SHCBP1L: variants seen among roughly 807,000 people sequenced by gnomAD.
SHCBP1L encodes the protein SHC binding and spindle associated 1 like, also known as testicular spindle-associated protein SHCBP1L.
A neutral mutation model predicts 62.5 loss-of-function variants in SHCBP1L; 67 were observed. The ratio of observed to expected loss-of-function variants is 1.07; its 90% CI spans 0.88 to 1.31. The LOEUF is 1.31. Ranked by LOEUF, SHCBP1L falls within the 40% of genes most tolerant of loss-of-function variation. SHCBP1L has a pLI of 0.00. For missense variants in SHCBP1L, 823 were observed against 809.8 expected, an observed-to-expected ratio of 1.02 and a Z score of -0.20; for synonymous variants, 284 against 289.4, an observed-to-expected ratio of 0.98 and a Z score of 0.19.
chr1:182,939,444 A>ATAAGTT, intron 4 of SHCBP1L, 23 bp downstream of exon 4: 2 of 1,603,492 alleles, frequency 1.2e-6, no homozygotes, highest in African/African-American at 2.7e-5. Flanking sequence ...AATGTGCGGT[A>ATAAGTT]TAAGTTTATA....
intron 6 of SHCBP1L, among the ~76,000 whole-genome samples, chr1:182,925,344 A>G (rs1297840523): frequency 2.0e-5 from 3 of 152,206 alleles, no homozygotes. Flanking sequence ...ACAAGAAGAC[A>G]AACAACCCAA....
At chr1:182,936,898 A>T (rs1456427740) in intron 5 of SHCBP1L, among the ~76,000 whole-genome samples, 1 of 151,806 alleles carries the variant, frequency 6.6e-6, no homozygotes, top group African/African-American at 2.4e-5. Context: ...AAATAAAAAT[A>T]AAAAAATTAG....
intron 5 of SHCBP1L, 79 bp from the exon 6 acceptor site, chr1:182,929,831 G>A: frequency 1.1e-6 from 1 of 915,528 alleles, no homozygotes; most frequent in Non-Finnish European, 1.6e-6. Context: ...ATAAAAACTT[G>A]GTACTAAGCA....
intron 2 of SHCBP1L, among the ~76,000 whole-genome samples, chr1:182,945,822 G>A (rs184389327): frequency 6.6e-6 from 1 of 152,230 alleles, no homozygotes; most frequent in African/African-American, 2.4e-5. Flanking sequence ...CACTTTGGGA[G>A]GCCGAGGTGG....
In SHCBP1L at chr1:182,953,086, G is replaced by A; in HGVS notation, c.48C>T (p.Thr16=). 1 of 1,565,748 alleles carries A rather than the reference G, an allele frequency of 6.4e-7. No individual in the cohort carries two copies. Among genetic ancestry groups the A allele is most frequent in the Non-Finnish European group, 8.6e-7 (1 of 1,163,146 alleles). The change falls in exon 1 of 10, where the codon ACC becomes ACT. Residue 16 remains threonine (T), a synonymous_variant. Transcript: ENST00000367547. The part of the protein sequence containing the change: ...KASVPADSFR[T]ISPDRRGEKS... ...TCTCGCCTCGCCTGTCCGGGCTGAT[G>A]GTGCGGAATGAGTCCGCGGGCACCG...
chr1:182,900,714 A>G (rs1649807358), intron 9 of SHCBP1L, among the ~76,000 whole-genome samples: 1 of 152,164 alleles, frequency 6.6e-6, no homozygotes, highest in African/African-American at 2.4e-5. Context: ...TACACGCGTG[A>G]GCCACCATGC....
intron 6 of SHCBP1L, among the ~76,000 whole-genome samples, chr1:182,928,022 T>C (rs1264956003): frequency 2.0e-5 from 3 of 152,342 alleles, no homozygotes; most frequent in African/African-American, 7.2e-5. Flanking sequence ...TAAAAAGATG[T>C]TTTAAAAGGT....
At chr1:182,929,961 T>C (rs1196359685) in intron 5 of SHCBP1L, among the ~76,000 whole-genome samples, 1 of 152,162 alleles carries the variant, frequency 6.6e-6, no homozygotes, top group African/African-American at 2.4e-5. Flanking sequence ...CTCTAAAATA[T>C]TTTCATTTTA....
chr1:182,900,096 C>A lies in SHCBP1L; in HGVS notation c.1849G>T (p.Asp617Tyr), dbSNP rs1335591045. Reference sequence around the variant, plus strand: ...AAGAGCATTTTATCATCTTTTTTATCTCCTGAAGAAGCCCTTTTGTTGAGA... The same window carrying A: ...AAGAGCATTTTATCATCTTTTTTATATCCTGAAGAAGCCCTTTTGTTGAGA... ...EALNKRASSG[D>Y]KKDDKMLFKV... The change falls in exon 10 of 10, where the codon GAT becomes TAT. Residue 617 changes from aspartate (D) to tyrosine (Y), a missense_variant. Asp to Tyr is a radical substitution (Grantham distance 160). Coordinates refer to ENST00000367547, the MANE Select transcript of SHCBP1L (RefSeq NM_030933.4). The A allele has an allele frequency of 1.9e-6, 3 of 1,612,244 alleles. No homozygotes were observed. The African/African-American group carries it at 4.0e-5, about 22-fold the overall frequency.
At chr1:182,905,904 C>G (rs995969101) in intron 6 of SHCBP1L, among the ~76,000 whole-genome samples, 1 of 152,212 alleles carries the variant, frequency 6.6e-6, no homozygotes, top group Non-Finnish European at 1.5e-5. Flanking sequence ...TTACATATTA[C>G]CTCCTTAAGC....
intron 9 of SHCBP1L, among the ~76,000 whole-genome samples, chr1:182,900,887 A>C (rs1015726173): frequency 6.6e-6 from 1 of 152,200 alleles, no homozygotes; most frequent in Non-Finnish European, 1.5e-5. Flanking sequence ...AAAAAGAAAA[A>C]AAAAGTGTAA....
intron 6 of SHCBP1L, among the ~76,000 whole-genome samples, chr1:182,919,385 C>T (rs1650452105): frequency 1.3e-5 from 2 of 152,164 alleles, no homozygotes; most frequent in South Asian, 2.1e-4. Flanking sequence ...AGAAGAACAA[C>T]AGAGGCAGAA....
intron 6 of SHCBP1L, among the ~76,000 whole-genome samples, chr1:182,908,787 A>T (rs1339143986): frequency 6.6e-6 from 1 of 152,200 alleles, no homozygotes; most frequent in Non-Finnish European, 1.5e-5. Flanking sequence ...AGACTCTTGG[A>T]TATACTTTGC....
chr1:182,940,728 A>G (rs1651334494), intron 2 of SHCBP1L, among the ~76,000 whole-genome samples, 185 bp from the exon 3 acceptor site: 1 of 152,140 alleles, frequency 6.6e-6, no homozygotes, highest in African/African-American at 2.4e-5. Flanking sequence ...TACAAACCCT[A>G]CTTCTTAAAT....
chr1:182,940,151 A>G (rs573375788), intron 3 of SHCBP1L, among the ~76,000 whole-genome samples, 178 bp downstream of exon 3: 1 of 152,208 alleles, frequency 6.6e-6, no homozygotes, highest in Non-Finnish European at 1.5e-5. Context: ...TCTGCAAGGA[A>G]ATGTTTTTAC....
At chr1:182,927,339 T>A (rs1650799193) in intron 6 of SHCBP1L, among the ~76,000 whole-genome samples, 1 of 151,804 alleles carries the variant, frequency 6.6e-6, no homozygotes, top group Non-Finnish European at 1.5e-5. Flanking sequence ...GCAAGAATTC[T>A]CAGTCAAGAA....
At chr1:182,942,803 T>C (rs1159690406) in intron 2 of SHCBP1L, among the ~76,000 whole-genome samples, 1 of 152,174 alleles carries the variant, frequency 6.6e-6, no homozygotes, top group African/African-American at 2.4e-5. Context: ...TAGAGTTATG[T>C]CACAAAAAAT....
intron 5 of SHCBP1L, among the ~76,000 whole-genome samples, chr1:182,930,730 T>A (rs1300836643): frequency 4.1e-5 from 4 of 97,472 alleles, no homozygotes; most frequent in African/African-American, 1.2e-4. Flanking sequence ...TATATGTATT[T>A]TTTTTTTTTT....
In SHCBP1L at chr1:182,952,519, G is replaced by A. The variant is rs1651811322; in HGVS notation, c.405+210C>T. On this transcript the variant is annotated intron_variant, in intron 1 of 9. Coordinates refer to ENST00000367547, the MANE Select transcript of SHCBP1L (RefSeq NM_030933.4). The stretch of plus-strand genomic sequence containing the variant: ...TCCCGTTACCTGACGAATTTTGTCG[G>A]AAACTCGAACCTTAACTCCTCTAGG... The A allele has an allele frequency of 1.7e-5, 9 of 540,180 alleles. No individual in the cohort carries two copies. In the East Asian group the frequency reaches 2.4e-4, roughly 14 times the overall value. 33.5% of individuals were successfully genotyped at this position (540,180 alleles called of 1,614,324 possible).
Sources: gnomAD v4.1 joint callset for allele counts (sites outside exome capture counted in the v4.1 genomes callset) on GRCh38, gnomAD v4.1.1 for gene constraint, MANE v1.5 for transcripts, NCBI Gene and HGNC (gene_info 2026-07-23, HGNC 2026-07-21) for gene names.